TRDN: variants seen among roughly 807,000 people sequenced by gnomAD.
TRDN encodes triadin in skeletal muscle.
A neutral mutation model predicts 149.7 loss-of-function variants in TRDN; 161 were observed. The observed-to-expected ratio is 1.08, with a 90% confidence interval of 0.95 to 1.23. The LOEUF is 1.23. Ranked by LOEUF, TRDN falls within the 50% of genes most tolerant of loss-of-function variation. The pLI, the probability that TRDN is intolerant of heterozygous loss-of-function variation, is 0.00. For missense variants in TRDN, 896 were observed against 823.5 expected (o/e 1.09, Z -1.08); for synonymous variants, 294 against 250.5 (o/e 1.17, Z -1.64).
chr6:123,341,105 C>G lies in TRDN; in HGVS notation c.1370-3436G>C, dbSNP rs577942787. On this transcript the variant is annotated intron_variant, in intron 21 of 40. Coordinates refer to ENST00000334268, the MANE Select transcript of TRDN (RefSeq NM_006073.4). ...AACATATAAAATTTATAAGTAAATACAGAGACAGAATTTTCAAGTTGCCTA... is the reference window on the plus strand; with the variant it reads ...AACATATAAAATTTATAAGTAAATAGAGAGACAGAATTTTCAAGTTGCCTA... Among the ~76,000 whole-genome samples the G allele has an allele frequency of 3.3e-5, 5 of 150,892 alleles. No homozygotes were observed. In the East Asian group the frequency reaches 9.7e-4, roughly 29 times the overall value.
intron 6 of TRDN, 57 bp from the exon 7 acceptor site, chr6:123,512,419 T>C: frequency 2.8e-6 from 3 of 1,053,032 alleles, no homozygotes; most frequent in Admixed American, 4.9e-5. Flanking sequence ...AAACCAAGCT[T>C]TCTTTTGACC....
At chr6:123,565,097 T>C (rs1405887511) in intron 2 of TRDN, among the ~76,000 whole-genome samples, 2 of 152,196 alleles carry the variant, frequency 1.3e-5, no homozygotes, top group Non-Finnish European at 2.9e-5. Context: ...GAGAAAGTTG[T>C]CACTTCATAA....
In TRDN at chr6:123,320,101, T is replaced by C. The variant is rs1779186427; in HGVS notation, c.1472-3606A>G. Among the ~76,000 whole-genome samples, 5 of 151,624 alleles carry C rather than the reference T, an allele frequency of 3.3e-5. No individual in the cohort carries two copies. The Admixed American group carries it at 3.3e-4, about 10-fold the overall frequency. ...CAGAATGCCTCTATTTTAAGTACTT[T>C]GCAAGGCAAAAGCTAAATATCATAG... On this transcript the variant is annotated intron_variant, in intron 23 of 40. Transcript: ENST00000334268.
chr6:123,464,892 A>T lies in TRDN; in HGVS notation c.931+14T>A. The T allele has an allele frequency of 6.4e-7, 1 of 1,564,996 alleles. No homozygotes were observed. The highest frequency in any genetic ancestry group is 8.7e-7 in the Non-Finnish European group (1 of 1,153,842). ...TCTACAATAGAGATCTTTAAGAAAA[A>T]AAAAAGTACTTGCCTTCAAGGGCAG... On this transcript the variant is annotated intron_variant, in intron 10 of 40. Transcript: ENST00000334268.
At chr6:123,373,163 A>G (rs1349410697) in intron 19 of TRDN, among the ~76,000 whole-genome samples, 1 of 152,162 alleles carries the variant, frequency 6.6e-6, no homozygotes, top group Non-Finnish European at 1.5e-5. Context: ...CTCATCTTCA[A>G]TTCCCACACG....
At chr6:123,602,549 A>G (rs1158607714) in intron 1 of TRDN, among the ~76,000 whole-genome samples, 1 of 152,080 alleles carries the variant, frequency 6.6e-6, no homozygotes, top group Non-Finnish European at 1.5e-5. Context: ...TGTGCAACCA[A>G]AAACCACCTG....
At chr6:123,267,175 T>A (rs1777041583) in intron 32 of TRDN, among the ~76,000 whole-genome samples, 1 of 150,852 alleles carries the variant, frequency 6.6e-6, no homozygotes, top group South Asian at 2.1e-4. Context: ...ACTGGTAGAA[T>A]TTACCAAAAG....
chr6:123,436,794 G>A (rs945110701), intron 12 of TRDN, among the ~76,000 whole-genome samples: 5 of 151,962 alleles, frequency 3.3e-5, no homozygotes, highest in Non-Finnish European at 7.4e-5. Flanking sequence ...GGAAAGATCT[G>A]GAAATCTCAT....
chr6:123,559,083 C>A (rs1316629486), intron 2 of TRDN, among the ~76,000 whole-genome samples: 1 of 152,248 alleles, frequency 6.6e-6, no homozygotes, highest in Non-Finnish European at 1.5e-5. Context: ...CTTCCCAGAT[C>A]TTCTTGGCTT....
rs1327809288 is a variant in TRDN, at chr6:123,503,674, A to G, written c.793+45T>C. ...TTTCACTGCATGTGCTTCTTGCCCA[A>G]TATTCTCTTAGAACCTCCGGCAGCC... On this transcript the variant is annotated intron_variant, in intron 8 of 40. Transcript: ENST00000334268. 1.9e-6 allele frequency: 3 copies of G among 1,611,300 alleles called. No individual in the cohort carries two copies. The East Asian group carries it at 6.7e-5, about 36-fold the overall frequency.
At chr6:123,528,536 C>T in intron 5 of TRDN, 1 of 641,114 alleles carries the variant, frequency 1.6e-6, no homozygotes, top group South Asian at 6.8e-5. Context: ...CAGACTACTA[C>T]TACCTTTCAA....
chr6:123,374,991 T>G (rs921629592), intron 19 of TRDN, among the ~76,000 whole-genome samples: 6 of 152,186 alleles, frequency 3.9e-5, no homozygotes, highest in African/African-American at 1.4e-4. Context: ...TATTTTCCAT[T>G]ATGCTTAAAA....
chr6:123,235,209 C>A (rs1775741016), intron 38 of TRDN, among the ~76,000 whole-genome samples: 1 of 152,090 alleles, frequency 6.6e-6, no homozygotes, highest in African/African-American at 2.4e-5. Context: ...GGGGATCAGT[C>A]TCTCAGATAG....
chr6:123,318,506 G>T (rs1779117581), intron 23 of TRDN, among the ~76,000 whole-genome samples: 1 of 151,960 alleles, frequency 6.6e-6, no homozygotes, highest in Admixed American at 6.6e-5. Flanking sequence ...ATATCCCAAG[G>T]TCTGGATAGA....
intron 16 of TRDN, 134 bp downstream of exon 16, chr6:123,381,236 G>T: frequency 5.1e-6 from 4 of 788,800 alleles, no homozygotes; most frequent in South Asian, 1.9e-5. Context: ...TTTTCACTTG[G>T]ACAAAAAACA....
chr6:123,594,735 T>G (rs761666477), intron 1 of TRDN, among the ~76,000 whole-genome samples: 12 of 146,000 alleles, frequency 8.2e-5, no homozygotes, highest in Admixed American at 4.1e-4. Flanking sequence ...AACTGAAAAT[T>G]TATAGTATGA....
At chr6:123,282,924 TTAAG>T (rs1393209095) in intron 24 of TRDN, among the ~76,000 whole-genome samples, 4 of 151,930 alleles carry the variant, frequency 2.6e-5, no homozygotes, top group Admixed American at 6.6e-5. Context: ...TAAAGACTCA[TTAAG>T]TAAGTCCATT....
intron 1 of TRDN, among the ~76,000 whole-genome samples, chr6:123,629,812 C>T (rs531609873): frequency 6.6e-6 from 1 of 152,034 alleles, no homozygotes; most frequent in Admixed American, 6.6e-5. Context: ...AGAGCATTAA[C>T]TTGTATAGAG....
At chr6:123,251,930 A>G (rs1776389325) in intron 38 of TRDN, among the ~76,000 whole-genome samples, 1 of 152,028 alleles carries the variant, frequency 6.6e-6, no homozygotes. Context: ...CAATTATATT[A>G]CAATTTAGGT....
Sources: gnomAD v4.1 joint callset for allele counts (sites outside exome capture counted in the v4.1 genomes callset) on GRCh38, gnomAD v4.1.1 for gene constraint, MANE v1.5 for transcripts, NCBI Gene and HGNC (gene_info 2026-07-23, HGNC 2026-07-21) for gene names.